Variants in ANKRD62 observed in about 807,000 individuals in gnomAD.
ANKRD62 encodes ankyrin repeat domain 62.
In ANKRD62, 61 loss-of-function variants were observed where a neutral mutation model predicts 98.8. That is an observed-to-expected ratio of 0.62 (90% CI 0.50 to 0.76). ANKRD62 has a LOEUF of 0.76. Among genes scored for constraint, ANKRD62 ranks in the 30% least tolerant of loss-of-function variants. The pLI is 0.00. For missense variants in ANKRD62, 933 were observed against 1,082.9 expected, an observed-to-expected ratio of 0.86 and a Z score of 1.94; for synonymous variants, 341 against 367.9, an observed-to-expected ratio of 0.93 and a Z score of 0.84.
chr18:12,125,666 A>G lies in ANKRD62; in HGVS notation c.1845A>G (p.Thr615=). The G allele has an allele frequency of 1.3e-6, 2 of 1,533,206 alleles. No individual in the cohort carries two copies. The highest frequency in any genetic ancestry group is 1.7e-6 in the Non-Finnish European group (2 of 1,145,638). The allele number at this position is 1,533,206 out of a possible 1,614,324, so 95.0% of individuals were successfully genotyped here. A position where few individuals can be genotyped will look rare whatever the true frequency, so the allele number is the denominator to read the frequency against. Residue 615 remains threonine (T), a synonymous_variant, in exon 13 of 14, where the codon ACA becomes ACG. Transcript: ENST00000587848. ...TCAAGCGGAATGAGGAAGCATTAAC[A>G]AAAACAATAACCCGGTATAGTAAAG... is the stretch of plus-strand genomic sequence containing the variant. ...KTLKRNEEAL[T]KTITRYSKEL... is the part of the protein sequence containing the mutation.
At chr18:12,165,429 G>A in the ANKRD62 span, among the ~76,000 whole-genome samples, 1 of 151,792 alleles carries the variant, frequency 6.6e-6, no homozygotes, top group African/African-American at 2.4e-5. Flanking sequence ...TATCCATTGT[G>A]TTTTTCAATA....
At chr18:12,160,148 G>A in the ANKRD62 span, among the ~76,000 whole-genome samples, 2 of 152,112 alleles carry the variant, frequency 1.3e-5, no homozygotes, top group Non-Finnish European at 2.9e-5. Flanking sequence ...TAATAGTGCC[G>A]TTTGGTGTTC....
At chr18:12,162,445 G>A in the ANKRD62 span, among the ~76,000 whole-genome samples, 10 of 152,062 alleles carry the variant, frequency 6.6e-5, no homozygotes, top group Non-Finnish European at 4.4e-5. Context: ...TGGGTAGCTT[G>A]CAGATATTTT....
Position 12,093,924 on chromosome 18 carries a change from T to G in ANKRD62, c.-94T>G. 8.0e-7 allele frequency: 1 copy of G among 1,247,816 alleles called. No homozygotes were observed. The highest frequency in any genetic ancestry group is 1.1e-6 in the Non-Finnish European group (1 of 893,542). The allele number at this position is 1,247,816 out of a possible 1,614,324, so 77.3% of individuals were successfully genotyped here. A position where few individuals can be genotyped will look rare whatever the true frequency, so the allele number is the denominator to read the frequency against. ...GAGGTTGCGGCTGGACCTGGTTACGTGCTGGTGCTGCGCTCCAGAGAGGCA... is the reference window on the plus strand; with the variant it reads ...GAGGTTGCGGCTGGACCTGGTTACGGGCTGGTGCTGCGCTCCAGAGAGGCA... On this transcript the variant is annotated 5_prime_UTR_variant, in exon 1 of 14. Coordinates refer to ENST00000587848, the MANE Select transcript of ANKRD62 (RefSeq NM_001277333.2).
rs1909957018 is a variant in ANKRD62, at chr18:12,129,213, C to CTA, written c.*1274_*1275insTA. 1 of 152,170 alleles carries CTA rather than the reference C, an allele frequency of 6.6e-6. No homozygotes were observed. The highest frequency in any genetic ancestry group is 2.4e-5 in the African/African-American group (1 of 41,512). The allele number at this position is 152,170 out of a possible 1,614,324, so 9.4% of individuals were successfully genotyped here. ...AATTTCCTATGTTTCCCCATTTTAC[C>CTA]AATTTTGTAAATTTGAGTATCTGAT... On this transcript the variant is annotated 3_prime_UTR_variant, in exon 14 of 14. Transcript: ENST00000587848.
chr18:12,168,397 T>C, the ANKRD62 span, among the ~76,000 whole-genome samples: 6 of 152,180 alleles, frequency 3.9e-5, no homozygotes, highest in Admixed American at 3.9e-4. Context: ...AGGGAATCCT[T>C]TCCCCATTGC....
At chr18:12,139,181 C>T in the ANKRD62 span, among the ~76,000 whole-genome samples, 1 of 152,150 alleles carries the variant, frequency 6.6e-6, no homozygotes, top group Non-Finnish European at 1.5e-5. Context: ...GTGGCTGGTA[C>T]CGGTTGTTCC....
rs149379795 is a variant in ANKRD62, at chr18:12,095,151, G to A, written c.219-20G>A. 14,409 of 1,529,542 alleles carry A rather than the reference G, an allele frequency of 9.4e-3. 80 individuals carry two copies. Among genetic ancestry groups the A allele is most frequent in the Non-Finnish European group, 0.012 (13,422 of 1,140,794 alleles). 94.7% of individuals were successfully genotyped at this position (1,529,542 alleles called of 1,614,324 possible). On this transcript the variant is annotated intron_variant, in intron 1 of 13. Transcript: ENST00000587848. ...GGACTGTGCACTACAATTGCCTAAA[G>A]CGACCTCTCATTCTCACAGGACTGC...
intron 1 of ANKRD62, 102 bp from the exon 2 acceptor site, chr18:12,095,069 G>T: frequency 1.2e-6 from 1 of 852,042 alleles, no homozygotes; most frequent in East Asian, 2.7e-5. Context: ...TGTTCTGAAG[G>T]CAGAGGGATA....
downstream of ANKRD62, among the ~76,000 whole-genome samples, chr18:12,133,439 G>A (rs945855716): frequency 1.3e-5 from 2 of 152,184 alleles, no homozygotes; most frequent in Admixed American, 6.5e-5. Flanking sequence ...TAGTAACTGT[G>A]TTTAATCTCA....
At chr18:12,095,646 A>G (rs1909166379) in intron 3 of ANKRD62, 36 bp downstream of exon 3, 2 of 1,437,144 alleles carry the variant, frequency 1.4e-6, no homozygotes, top group South Asian at 1.5e-5. Context: ...AAGTATTTCA[A>G]GTATATTTGT....
chr18:12,179,564 C>T, the ANKRD62 span, among the ~76,000 whole-genome samples: 58,479 of 150,348 alleles, frequency 0.39, 12,020 homozygotes, highest in East Asian at 0.77. Context: ...CCCAAAGCAG[C>T]CCTTCACTAC....
At chr18:12,181,493 T>A in the ANKRD62 span, among the ~76,000 whole-genome samples, 1 of 152,224 alleles carries the variant, frequency 6.6e-6, no homozygotes, top group East Asian at 1.9e-4. Flanking sequence ...AGAATTTCCA[T>A]AACATTAATT....
At chr18:12,146,687 C>T in the ANKRD62 span, among the ~76,000 whole-genome samples, 47 of 152,326 alleles carry the variant, frequency 3.1e-4, no homozygotes, top group South Asian at 8.7e-3. Context: ...TCAAACGATC[C>T]GCCCTCCTCG....
downstream of ANKRD62, among the ~76,000 whole-genome samples, chr18:12,130,959 G>C (rs762001479): frequency 9.9e-5 from 15 of 152,146 alleles, no homozygotes; most frequent in Non-Finnish European, 1.9e-4. Flanking sequence ...CAAAGTGCTG[G>C]GGTTACAGGC....
chr18:12,172,793 A>C, the ANKRD62 span, among the ~76,000 whole-genome samples: 1 of 152,140 alleles, frequency 6.6e-6, no homozygotes. Context: ...TTACCCACTC[A>C]AGCCTCAGCA....
chr18:12,115,375 G>A lies in ANKRD62; in HGVS notation c.1099-18G>A, dbSNP rs1345196951. On this transcript the variant is annotated intron_variant, in intron 9 of 13. Coordinates refer to ENST00000587848, the MANE Select transcript of ANKRD62 (RefSeq NM_001277333.2). Reference sequence around the variant, plus strand: ...AATATTTCGAGGGCATTTTGAAACAGTGTTATTTATTTTATAGGTTAAAAG... The same window carrying A: ...AATATTTCGAGGGCATTTTGAAACAATGTTATTTATTTTATAGGTTAAAAG... 1 of 1,521,684 alleles carries A rather than the reference G, an allele frequency of 6.6e-7. No individual in the cohort carries two copies. Among genetic ancestry groups the A allele is most frequent in the Non-Finnish European group, 8.8e-7 (1 of 1,138,606 alleles). The allele number at this position is 1,521,684 out of a possible 1,614,324, so 94.3% of individuals were successfully genotyped here.
intron 8 of ANKRD62, among the ~76,000 whole-genome samples, chr18:12,110,910 T>C (rs983568483): frequency 5.9e-5 from 9 of 152,166 alleles, no homozygotes; most frequent in Non-Finnish European, 1.0e-4. Flanking sequence ...TCTTTCTTTT[T>C]GATGTGAGCA....
chr18:12,157,241 A>T, the ANKRD62 span, among the ~76,000 whole-genome samples: 1 of 152,174 alleles, frequency 6.6e-6, no homozygotes, highest in Non-Finnish European at 1.5e-5. Flanking sequence ...CAGACTTTTT[A>T]TACAGTAAAA....
Sources: gnomAD v4.1 joint callset for allele counts (sites outside exome capture counted in the v4.1 genomes callset) on GRCh38, gnomAD v4.1.1 for gene constraint, MANE v1.5 for transcripts, NCBI Gene and HGNC (gene_info 2026-07-23, HGNC 2026-07-21) for gene names.